NPSR1: variants seen among roughly 807,000 people sequenced by gnomAD.
The protein encoded by NPSR1 is neuropeptide S receptor 1.
Under a neutral mutation model 46.9 loss-of-function variants are expected in NPSR1, and 48 were observed. The observed-to-expected ratio is 1.02, with a 90% CI of 0.81 to 1.30. The LOEUF is 1.30. Among genes scored for constraint, NPSR1 ranks in the 50% most tolerant of loss-of-function variants. The probability of loss-of-function intolerance (pLI) is 0.00; values close to 1 mark genes in which losing one functional copy is unlikely to be tolerated. For synonymous variants in NPSR1, 176 were observed against 168.1 expected (o/e 1.05, Z -0.36); for missense variants, 450 against 449.5 (o/e 1.00, Z -0.01).
intron 1 of NPSR1, among the ~76,000 whole-genome samples, chr7:34,674,103 C>T (rs1562642580): frequency 6.6e-6 from 1 of 152,172 alleles, no homozygotes; most frequent in Non-Finnish European, 1.5e-5. Flanking sequence ...TGAACTAGCC[C>T]AGTCCTAGCT....
intron 3 of NPSR1, among the ~76,000 whole-genome samples, chr7:34,781,412 A>G (rs779035561): frequency 6.6e-6 from 1 of 152,172 alleles, no homozygotes; most frequent in Non-Finnish European, 1.5e-5. Context: ...CAACATCGTG[A>G]AGGAAAAAAT....
intron 2 of NPSR1, chr7:34,750,882 T>C (rs944217464): frequency 2.8e-6 from 2 of 708,904 alleles, no homozygotes; most frequent in African/African-American, 3.5e-5. Flanking sequence ...GGAGAAGAAC[T>C]GCTTCATAAT....
chr7:34,827,594 A>C lies in NPSR1; in HGVS notation c.672A>C (p.Thr224=), dbSNP rs375986515. 32 of 1,425,358 alleles carry C rather than the reference A, an allele frequency of 2.2e-5. No homozygotes were observed. The African/African-American group carries it at 4.1e-4, about 18-fold the overall frequency. 88.3% of individuals were successfully genotyped at this position (1,425,358 alleles called of 1,614,324 possible). Residue 224 remains threonine, a synonymous_variant, in exon 5 of 9, where the codon ACA becomes ACC. Coordinates refer to ENST00000360581, the MANE Select transcript of NPSR1 (RefSeq NM_207172.2). ...TCCTGGTGTACTTCATCCCTCTGAC[A>C]ATCATCAGGTAAGAAGCCGTCAGGA... The part of the protein sequence containing the change: ...VAFLVYFIPL[T]IISIMYGIVI...
intron 2 of NPSR1, among the ~76,000 whole-genome samples, chr7:34,752,820 G>A (rs974436092): frequency 1.3e-5 from 2 of 152,144 alleles, no homozygotes; most frequent in African/African-American, 4.8e-5. Flanking sequence ...TCTCTCACCT[G>A]ATCTCTCCAG....
chr7:34,808,194 A>C (rs1467359657), intron 3 of NPSR1, among the ~76,000 whole-genome samples: 1 of 152,204 alleles, frequency 6.6e-6, no homozygotes, highest in South Asian at 2.1e-4. Context: ...GAGTCTCTGG[A>C]GGACTCATGG....
At chr7:34,773,585 G>A (rs1234712431) in intron 2 of NPSR1, among the ~76,000 whole-genome samples, 3 of 152,186 alleles carry the variant, frequency 2.0e-5, no homozygotes, top group African/African-American at 7.2e-5. Flanking sequence ...TAGTCAACTT[G>A]CCACAAATCA....
At chr7:34,731,781 G>A (rs1315564571) in intron 2 of NPSR1, among the ~76,000 whole-genome samples, 1 of 151,948 alleles carries the variant, frequency 6.6e-6, no homozygotes, top group Non-Finnish European at 1.5e-5. Flanking sequence ...GACAAATGAA[G>A]TTTTCCACAT....
chr7:34,873,033 C>T (rs1349408099), intron 8 of NPSR1, among the ~76,000 whole-genome samples: 1 of 151,812 alleles, frequency 6.6e-6, no homozygotes, highest in African/African-American at 2.4e-5. Flanking sequence ...TGCCAGATAC[C>T]CTAGGCCATC....
Position 34,778,451 on chromosome 7 carries a change from G to T in NPSR1, c.281-11G>T, listed in dbSNP as rs775913641. On this transcript the variant is annotated splice_polypyrimidine_tract_variant and intron_variant, in intron 2 of 8. Coordinates refer to ENST00000360581, the MANE Select transcript of NPSR1 (RefSeq NM_207172.2). ...AAACCCTGAATGTAAGCACTTGTAC[G>T]TTTTTGTTAGATTCTTTCACAGGAC... 2.6e-6 allele frequency: 4 copies of T among 1,514,058 alleles called. No homozygotes were observed. The highest frequency in any genetic ancestry group is 3.4e-5 in the Admixed American group (2 of 58,426). The allele number at this position is 1,514,058 out of a possible 1,614,324, so 93.8% of individuals were successfully genotyped here.
chr7:34,867,958 A>G (rs1250465546), intron 8 of NPSR1, among the ~76,000 whole-genome samples: 1 of 151,886 alleles, frequency 6.6e-6, no homozygotes, highest in African/African-American at 2.4e-5. Context: ...TTTAAAATTT[A>G]TAACATGGAA....
intron 1 of NPSR1, among the ~76,000 whole-genome samples, chr7:34,661,507 CAGG>C (rs1028031606): frequency 9.9e-5 from 15 of 152,176 alleles, no homozygotes; most frequent in Non-Finnish European, 2.1e-4. Flanking sequence ...AAAGCTCTTT[CAGG>C]AGGAGACAAA....
intron 4 of NPSR1, among the ~76,000 whole-genome samples, chr7:34,820,614 AG>A (rs1789506303): frequency 6.6e-6 from 1 of 152,178 alleles, no homozygotes; most frequent in South Asian, 2.1e-4. Context: ...TATGTGCCCA[AG>A]GTGGTCAGGG....
At chr7:34,805,593 G>A (rs1788660043) in intron 3 of NPSR1, among the ~76,000 whole-genome samples, 1 of 150,276 alleles carries the variant, frequency 6.7e-6, no homozygotes, top group Admixed American at 6.7e-5. Context: ...AAAACGACTA[G>A]AAGATAACAT....
intron 2 of NPSR1, among the ~76,000 whole-genome samples, chr7:34,770,217 A>G (rs1053343998): frequency 2.0e-5 from 3 of 152,208 alleles, no homozygotes; most frequent in South Asian, 4.1e-4. Flanking sequence ...AGAATATCCA[A>G]GTAACTCCCA....
intron 2 of NPSR1, among the ~76,000 whole-genome samples, chr7:34,749,175 G>T (rs1056256121): frequency 2.0e-5 from 3 of 152,122 alleles, no homozygotes; most frequent in Non-Finnish European, 4.4e-5. Flanking sequence ...CCTCTGTGTG[G>T]CCACTCTCAG....
intron 2 of NPSR1, 30 bp downstream of exon 2, chr7:34,684,714 A>G: frequency 6.3e-7 from 1 of 1,576,022 alleles, no homozygotes. Context: ...AGAGGCAGGA[A>G]GCTATATGTG....
rs531462316 is a variant in NPSR1, at chr7:34,803,461, G to A, written c.385-8309G>A. ...AAATCATCATTCTCAGTAAACTATC[G>A]CAAGGACAAAAAATCAAACACCGCA... On this transcript the variant is annotated intron_variant, in intron 3 of 8. Transcript: ENST00000360581. Among the ~76,000 whole-genome samples, 10 of 151,816 alleles carry A rather than the reference G, an allele frequency of 6.6e-5. No homozygotes were observed. In the East Asian group the frequency reaches 7.8e-4, roughly 12 times the overall value.
At chr7:34,771,885 C>G (rs1194789812) in intron 2 of NPSR1, among the ~76,000 whole-genome samples, 3 of 152,130 alleles carry the variant, frequency 2.0e-5, no homozygotes, top group Admixed American at 1.3e-4. Flanking sequence ...GATATAATAA[C>G]TGCTTAATAA....
intron 6 of NPSR1, among the ~76,000 whole-genome samples, chr7:34,835,772 T>C (rs1790336251): frequency 1.3e-5 from 2 of 152,188 alleles, no homozygotes; most frequent in African/African-American, 4.8e-5. Context: ...ATGAATAGCA[T>C]GGTTCCTGAC....
Sources: allele counts gnomAD v4.1 joint callset (sites outside exome capture counted in the v4.1 genomes callset), GRCh38; gene constraint gnomAD v4.1.1; transcripts MANE v1.5; gene names NCBI Gene and HGNC (gene_info 2026-07-23, HGNC 2026-07-21).